Variants in ADORA2B observed in about 807,000 individuals in gnomAD.
The protein encoded by ADORA2B is adenosine A2b receptor, also known as adenosine receptor A2b.
ADORA2B carries 18 observed loss-of-function variants against 20.8 expected under a neutral mutation model. The observed-to-expected ratio is 0.87, with a 90% CI of 0.60 to 1.29. The LOEUF (loss-of-function observed/expected upper bound fraction) is 1.29, where lower values mean the gene tolerates loss of function less well. Ranked by LOEUF, ADORA2B falls within the 50% of genes most tolerant of loss-of-function variation. The pLI is 0.00. For missense variants in ADORA2B, 441 were observed against 422.7 expected, an observed-to-expected ratio of 1.04 and a Z score of -0.38; for synonymous variants, 179 against 178.3, an observed-to-expected ratio of 1.00 and a Z score of -0.03.
the ADORA2B span, among the ~76,000 whole-genome samples, chr17:15,903,587 A>G: frequency 6.6e-6 from 1 of 151,896 alleles, no homozygotes; most frequent in African/African-American, 2.4e-5. Flanking sequence ...CTCCCAGCCC[A>G]TCCCCACCCT....
At chr17:15,852,417 CTT>C in the ADORA2B span, among the ~76,000 whole-genome samples, 2 of 152,030 alleles carry the variant, frequency 1.3e-5, no homozygotes, top group Non-Finnish European at 2.9e-5. Flanking sequence ...AATAAATACT[CTT>C]TGAAGGAAGA....
the ADORA2B span, among the ~76,000 whole-genome samples, chr17:15,896,443 G>A: frequency 6.6e-6 from 1 of 152,202 alleles, no homozygotes; most frequent in Admixed American, 6.5e-5. Context: ...AAACCACAAT[G>A]AGATGTGTCG....
the ADORA2B span, among the ~76,000 whole-genome samples, chr17:15,916,377 A>G: frequency 2.0e-5 from 3 of 152,176 alleles, no homozygotes; most frequent in Non-Finnish European, 4.4e-5. Context: ...ACCGAGTTAA[A>G]GAAGGAAGGG....
the ADORA2B span, among the ~76,000 whole-genome samples, chr17:15,855,399 A>G: frequency 6.6e-6 from 1 of 152,080 alleles, no homozygotes; most frequent in Non-Finnish European, 1.5e-5. Context: ...CCTCTTGTGT[A>G]ACACTTCCCA....
At chr17:15,974,503 C>CA in intron 1 of ADORA2B, 176 bp from the exon 2 acceptor site, 1 of 566,846 alleles carries the variant, frequency 1.8e-6, no homozygotes, top group Non-Finnish European at 3.1e-6. Flanking sequence ...TTTTCTAGAG[C>CA]AAAGCTGCTC....
the ADORA2B span, among the ~76,000 whole-genome samples, chr17:15,918,045 T>C: frequency 2.6e-5 from 4 of 152,178 alleles, no homozygotes; most frequent in African/African-American, 9.6e-5. Flanking sequence ...AGAAACAACA[T>C]TGCTATCTCG....
the ADORA2B span, among the ~76,000 whole-genome samples, chr17:15,932,951 A>ATT: frequency 2.7e-4 from 37 of 135,964 alleles, no homozygotes; most frequent in Non-Finnish European, 3.0e-4. Flanking sequence ...TAGTCCTTCA[A>ATT]TTTTTTTTTT....
the ADORA2B span, among the ~76,000 whole-genome samples, chr17:15,873,854 A>T: frequency 2.0e-5 from 3 of 152,228 alleles, no homozygotes; most frequent in East Asian, 5.8e-4. Context: ...AAAGAACTAG[A>T]AATAGATCTA....
chr17:15,944,275 A>C (rs1044582955), upstream of ADORA2B, among the ~76,000 whole-genome samples: 1 of 152,058 alleles, frequency 6.6e-6, no homozygotes, highest in South Asian at 2.1e-4. This position sits in a 1 kb window ranked among gnomAD's most constrained non-coding sequence, Gnocchi z 4.8. Context: ...TCCTGGCGAG[A>C]GTCGGCAGTG....
chr17:15,874,548 C>G, the ADORA2B span, among the ~76,000 whole-genome samples: 16 of 151,458 alleles, frequency 1.1e-4, no homozygotes, highest in South Asian at 3.1e-3. Flanking sequence ...AAATAATAAG[C>G]AGGCGTGGTG....
chr17:15,858,716 T>C, the ADORA2B span: 1 of 154,734 alleles, frequency 6.5e-6, no homozygotes, highest in African/African-American at 2.4e-5. Context: ...CACCATTCTG[T>C]TGCCCCCCTG....
chr17:15,884,899 G>T, the ADORA2B span, among the ~76,000 whole-genome samples: 16 of 152,126 alleles, frequency 1.1e-4, no homozygotes, highest in African/African-American at 3.9e-4. Context: ...CTGTATCTTT[G>T]TGATAGAATG....
chr17:15,898,951 C>T, the ADORA2B span, among the ~76,000 whole-genome samples: 7 of 151,922 alleles, frequency 4.6e-5, no homozygotes, highest in South Asian at 4.2e-4. Flanking sequence ...TAATATAGGC[C>T]GGGCACAGTA....
At chr17:15,944,605 G>A (rs1049991870), upstream of ADORA2B, among the ~76,000 whole-genome samples, 2 of 152,102 alleles carry the variant, frequency 1.3e-5, no homozygotes, top group African/African-American at 4.8e-5. This position sits in a 1 kb window ranked among gnomAD's most constrained non-coding sequence, Gnocchi z 4.8. Flanking sequence ...TTGCAGTCCG[G>A]CCCCGCAGCC....
the ADORA2B span, among the ~76,000 whole-genome samples, chr17:15,870,466 A>G: frequency 6.6e-6 from 1 of 152,110 alleles, no homozygotes; most frequent in African/African-American, 2.4e-5. Flanking sequence ...CAATAAAGTT[A>G]GCTGATTGTG....
the ADORA2B span, among the ~76,000 whole-genome samples, chr17:15,862,944 A>G: frequency 2.0e-5 from 3 of 152,102 alleles, no homozygotes; most frequent in Admixed American, 2.0e-4. Context: ...GGTACTATCA[A>G]AGGATTTATG....
the ADORA2B span, among the ~76,000 whole-genome samples, chr17:15,917,641 C>T: frequency 1.3e-5 from 2 of 152,208 alleles, no homozygotes; most frequent in African/African-American, 2.4e-5. Flanking sequence ...CTCCCGGGGC[C>T]GGACTCCAGC....
rs912593392 is a variant in ADORA2B at position 15,945,175 on chromosome 17, G to C, written c.-74G>C. On this transcript the variant is annotated 5_prime_UTR_variant, in exon 1 of 2. Transcript: ENST00000304222. Reference sequence around the variant, plus strand: ...CGGTCCGGGCGCTATGGCCATGCCCGGCGGGTCTCACGCGGCTGCCCCTCG... The same window carrying C: ...CGGTCCGGGCGCTATGGCCATGCCCCGCGGGTCTCACGCGGCTGCCCCTCG... 3.9e-6 allele frequency: 5 copies of C among 1,285,754 alleles called. No individual in the cohort carries two copies. In the East Asian group the frequency reaches 9.3e-5, roughly 24 times the overall value. The allele number at this position is 1,285,754 out of a possible 1,614,324, so 79.6% of individuals were successfully genotyped here. A position where few individuals can be genotyped will look rare whatever the true frequency, so the allele number is the denominator to read the frequency against.
the ADORA2B span, among the ~76,000 whole-genome samples, chr17:15,879,490 C>T: frequency 6.6e-6 from 1 of 151,258 alleles, no homozygotes; most frequent in Non-Finnish European, 1.5e-5. Flanking sequence ...TATTTTACTG[C>T]CTTCTCTAGT....
Sources: gnomAD v4.1 joint callset for allele counts (sites outside exome capture counted in the v4.1 genomes callset) on GRCh38, gnomAD v4.1.1 for gene constraint, Gnocchi (gnomAD v3.1) non-coding constraint, MANE v1.5 for transcripts, NCBI Gene and HGNC (gene_info 2026-07-23, HGNC 2026-07-21) for gene names.